The following FGF7 variants were observed in gnomAD, a reference collection of about 807,000 sequenced individuals.
FGF7 encodes the protein FGF-7.
Under a neutral mutation model 20.5 loss-of-function variants are expected in FGF7, and 6 were observed. The observed-to-expected ratio is 0.29, with a 90% CI of 0.16 to 0.58. The LOEUF is 0.58. Among genes scored for constraint, FGF7 ranks in the 20% least tolerant of loss-of-function variants. The pLI, the probability that FGF7 is intolerant of heterozygous loss-of-function variation, is 0.90. For missense variants in FGF7, 144 were observed against 228.8 expected (o/e 0.63, Z 2.39); for synonymous variants, 64 against 74.7 (o/e 0.86, Z 0.74).
intron 2 of FGF7, among the ~76,000 whole-genome samples, chr15:49,447,541 A>G (rs910299088): frequency 6.6e-6 from 1 of 151,704 alleles, no homozygotes; most frequent in Admixed American, 6.6e-5. Context: ...TTGGTAGCAT[A>G]TGCGTTGATG....
At chr15:49,483,945 T>C (rs1411507472) in intron 3 of FGF7, among the ~76,000 whole-genome samples, 1 of 152,048 alleles carries the variant, frequency 6.6e-6, no homozygotes, top group Non-Finnish European at 1.5e-5. Context: ...GAGGTTCTGC[T>C]AATTATACCA....
At chr15:49,451,890 G>A (rs763324373) in intron 2 of FGF7, among the ~76,000 whole-genome samples, 3 of 151,996 alleles carry the variant, frequency 2.0e-5, no homozygotes, top group Admixed American at 6.6e-5. Flanking sequence ...TTTTACATGC[G>A]GTTCTTCCAG....
intron 2 of FGF7, among the ~76,000 whole-genome samples, chr15:49,434,961 A>G (rs1486488709): frequency 1.3e-5 from 2 of 151,624 alleles, no homozygotes; most frequent in Non-Finnish European, 3.0e-5. Flanking sequence ...ATTTTTTCTG[A>G]ATAACTGCAT....
intron 2 of FGF7, among the ~76,000 whole-genome samples, chr15:49,464,270 GC>G (rs779097656): frequency 1.3e-5 from 2 of 152,020 alleles, no homozygotes; most frequent in South Asian, 4.2e-4. Context: ...AACAATTTCT[GC>G]CCCCACCTCT....
chr15:49,460,607 A>C (rs2053705732), intron 2 of FGF7, among the ~76,000 whole-genome samples: 1 of 152,208 alleles, frequency 6.6e-6, no homozygotes, highest in Admixed American at 6.5e-5. Flanking sequence ...AAAATGTTCT[A>C]GCAACAGCCA....
chr15:49,486,799 T>C lies in FGF7; in HGVS notation c.*2295T>C, dbSNP rs1398948883. On this transcript the variant is annotated 3_prime_UTR_variant, in exon 4 of 4. Transcript: ENST00000267843. ...GTACTTTAATTATTTGTTTTTCTCC[T>C]ATTTTTAAATTTATTATGCAAATTT... 3.9e-5 allele frequency: 6 copies of C among 151,970 alleles called. No individual in the cohort carries two copies. Among genetic ancestry groups the C allele is most frequent in the African/African-American group, 1.4e-4 (6 of 41,422 alleles). 9.4% of individuals were successfully genotyped at this position (151,970 alleles called of 1,614,324 possible). A position where few individuals can be genotyped will look rare whatever the true frequency, so the allele number is the denominator to read the frequency against.
intron 2 of FGF7, among the ~76,000 whole-genome samples, chr15:49,440,294 G>A (rs1432942860): frequency 1.3e-5 from 2 of 151,498 alleles, no homozygotes; most frequent in African/African-American, 4.8e-5. Context: ...TTCCCCTTTT[G>A]TTCTCCCACC....
chr15:49,432,599 T>G (rs1245648823), intron 2 of FGF7, among the ~76,000 whole-genome samples: 1 of 151,652 alleles, frequency 6.6e-6, no homozygotes, highest in Non-Finnish European at 1.5e-5. Context: ...ATCTTTGGTG[T>G]TGTCAAGAAC....
intron 2 of FGF7, among the ~76,000 whole-genome samples, chr15:49,457,622 G>T (rs1285964113): frequency 6.6e-6 from 1 of 151,932 alleles, no homozygotes; most frequent in African/African-American, 2.4e-5. Context: ...CTTGAAAAAT[G>T]AGTCTATAAA....
At chr15:49,482,553 A>C (rs1038098513) in intron 2 of FGF7, among the ~76,000 whole-genome samples, 5 of 152,050 alleles carry the variant, frequency 3.3e-5, no homozygotes, top group African/African-American at 1.2e-4. Flanking sequence ...AGTATATTCA[A>C]GAGCTATTCT....
At chr15:49,470,119 GTAT>G (rs1256776736) in intron 2 of FGF7, among the ~76,000 whole-genome samples, 1 of 152,000 alleles carries the variant, frequency 6.6e-6, no homozygotes, top group African/African-American at 2.4e-5. Context: ...GAAGACCACG[GTAT>G]TATGATCAAA....
At chr15:49,464,538 G>A (rs2054092753) in intron 2 of FGF7, among the ~76,000 whole-genome samples, 1 of 152,044 alleles carries the variant, frequency 6.6e-6, no homozygotes, top group Non-Finnish European at 1.5e-5. Context: ...TTATATATAG[G>A]TAGGCAAAAA....
At chr15:49,442,177 T>A (rs1389218065) in intron 2 of FGF7, among the ~76,000 whole-genome samples, 1 of 151,674 alleles carries the variant, frequency 6.6e-6, no homozygotes, top group African/African-American at 2.4e-5. Flanking sequence ...TACCTTATTT[T>A]CTACTGTTTG....
chr15:49,424,125 T>C lies in FGF7; in HGVS notation c.-173T>C. 1.8e-6 allele frequency: 1 copy of C among 541,176 alleles called. No individual in the cohort carries two copies. Among genetic ancestry groups the C allele is most frequent in the African/African-American group, 1.9e-5 (1 of 53,012 alleles). The allele number at this position is 541,176 out of a possible 1,614,324, so 33.5% of individuals were successfully genotyped here. A position where few individuals can be genotyped will look rare whatever the true frequency, so the allele number is the denominator to read the frequency against. On this transcript the variant is annotated 5_prime_UTR_variant, in exon 2 of 4. Coordinates refer to ENST00000267843, the MANE Select transcript of FGF7 (RefSeq NM_002009.4). Reference sequence around the variant, plus strand: ...CAGAGTTATTTAAGGAGGAATCCTGTGTTGTTATCAGGAACTAAAAGGATA... The same window carrying C: ...CAGAGTTATTTAAGGAGGAATCCTGCGTTGTTATCAGGAACTAAAAGGATA...
chr15:49,428,467 C>A (rs2050313440), intron 2 of FGF7, among the ~76,000 whole-genome samples: 1 of 151,948 alleles, frequency 6.6e-6, no homozygotes, highest in Non-Finnish European at 1.5e-5. Context: ...AGAACTCTCC[C>A]CATGGGGACA....
At position 49,429,593 on chromosome 15, in the gene FGF7, T is replaced by C. The variant is rs140502061; in HGVS notation, c.286+5010T>C. On this transcript the variant is annotated intron_variant, in intron 2 of 3. Transcript: ENST00000267843. ...TGGAAGAAGTCAGCTCTTAGATATATTGAAAGGGTTGCCTTTCTACATTTT... is the reference window on the plus strand; with the variant it reads ...TGGAAGAAGTCAGCTCTTAGATATACTGAAAGGGTTGCCTTTCTACATTTT... Among the ~76,000 whole-genome samples, 254 of 152,078 alleles carry C rather than the reference T, an allele frequency of 1.7e-3. 1 individual carries two copies. Among genetic ancestry groups the C allele is most frequent in the African/African-American group, 5.8e-3 (240 of 41,538 alleles).
At position 49,424,291 on chromosome 15, in the gene FGF7, C is replaced by T; in HGVS notation, c.-7C>T. ...TTATTCATGAACACCCGGAGCACTA[C>T]ACTATAATGCACAAATGGATACTGA... is the stretch of plus-strand genomic sequence containing the variant. On this transcript the variant is annotated 5_prime_UTR_variant, in exon 2 of 4. Transcript: ENST00000267843. The T allele has an allele frequency of 6.2e-7, 1 of 1,611,086 alleles. No homozygotes were observed. Among genetic ancestry groups the T allele is most frequent in the East Asian group, 2.2e-5 (1 of 44,840 alleles).
At chr15:49,471,418 G>A (rs2054739141) in intron 2 of FGF7, among the ~76,000 whole-genome samples, 1 of 151,310 alleles carries the variant, frequency 6.6e-6, no homozygotes, top group South Asian at 2.1e-4. Context: ...GAGAGGCGGA[G>A]GTTGTAGTGC....
chr15:49,450,995 T>C (rs2052673499), intron 2 of FGF7, among the ~76,000 whole-genome samples: 1 of 152,174 alleles, frequency 6.6e-6, no homozygotes, highest in South Asian at 2.1e-4. Context: ...CAGTGCCATC[T>C]GTATGTGTGT....
Sources: allele counts gnomAD v4.1 joint callset (sites outside exome capture counted in the v4.1 genomes callset), GRCh38; gene constraint gnomAD v4.1.1; transcripts MANE v1.5; gene names NCBI Gene and HGNC (gene_info 2026-07-23, HGNC 2026-07-21).